The following FER1L5 variants were observed in gnomAD, a reference collection of about 807,000 sequenced individuals.
FER1L5 encodes fer-1-like protein 5.
A neutral mutation model predicts 279.9 loss-of-function variants in FER1L5; 187 were observed. The observed-to-expected ratio is 0.67, with a 90% CI of 0.59 to 0.75. The LOEUF (loss-of-function observed/expected upper bound fraction) is 0.75. Ranked by LOEUF, FER1L5 falls within the 30% of genes least tolerant of loss-of-function variation. FER1L5 has a pLI of 0.00. For synonymous variants in FER1L5, 921 were observed against 989.7 expected (o/e 0.93, Z 1.30); for missense variants, 2,091 against 2,594.4 (o/e 0.81, Z 4.21).
At position 96,644,562 on chromosome 2, in the gene FER1L5, T is replaced by C. The variant is rs180932975; in HGVS notation, c.85+1641T>C. Among the ~76,000 whole-genome samples, 199 of 152,008 alleles carry C rather than the reference T, an allele frequency of 1.3e-3. 1 individual carries two copies. Among genetic ancestry groups the C allele is most frequent in the Middle Eastern group, 3.4e-3 (1 of 294 alleles). On this transcript the variant is annotated intron_variant, in intron 1 of 52. Transcript: ENST00000624922. ...AAAGGTGAAAGTATGTAGGTGGAGA[T>C]ACAGGACGGTGGATACAGGCAAATA... is the stretch of plus-strand genomic sequence containing the variant.
chr2:96,698,856 A>G lies in FER1L5; in HGVS notation c.4518+24A>G. On this transcript the variant is annotated intron_variant, in intron 41 of 52. Coordinates refer to ENST00000624922, the MANE Select transcript of FER1L5 (RefSeq NM_001293083.2). This position sits in a 1 kb window ranked among gnomAD's most constrained non-coding sequence, Gnocchi z 5.5. ...TGGTAAAGAACAGTACCTGCCCCAC[A>G]CAGGTGCCCCGCACGCTCCCCTCAA... 1 of 1,554,628 alleles carries G rather than the reference A, an allele frequency of 6.4e-7. No individual in the cohort carries two copies. The highest frequency in any genetic ancestry group is 1.9e-5 in the Admixed American group (1 of 51,404).
intron 19 of FER1L5, among the ~76,000 whole-genome samples, chr2:96,676,497 A>G (rs2076514628): frequency 6.6e-6 from 1 of 152,008 alleles, no homozygotes; most frequent in African/African-American, 2.4e-5. Flanking sequence ...AATTTTGGCT[A>G]TTGTACAAGT....
At chr2:96,692,769 TG>T (rs936594027) in intron 31 of FER1L5, among the ~76,000 whole-genome samples, 3 of 151,128 alleles carry the variant, frequency 2.0e-5, no homozygotes, top group Non-Finnish European at 4.4e-5. Flanking sequence ...TTGTAGGGAG[TG>T]GGGACAGTAG....
intron 17 of FER1L5, 112 bp from the exon 18 acceptor site, chr2:96,670,007 C>T: frequency 1.4e-6 from 2 of 1,411,270 alleles, no homozygotes; most frequent in Non-Finnish European, 1.9e-6. Context: ...TGCAGTAAGC[C>T]CCGGGCAGGC....
intron 19 of FER1L5, among the ~76,000 whole-genome samples, chr2:96,673,920 T>A (rs2076419109): frequency 6.6e-6 from 1 of 152,204 alleles, no homozygotes; most frequent in South Asian, 2.1e-4. Flanking sequence ...AGCACTGCTG[T>A]CTCACTTTCA....
intron 1 of FER1L5, 101 bp downstream of exon 1, chr2:96,643,022 C>A (rs1348020591): frequency 3.1e-6 from 3 of 960,844 alleles, no homozygotes; most frequent in Admixed American, 6.2e-5. Context: ...ATAAAAGATG[C>A]CCTGTGTAAC....
In FER1L5 at chr2:96,698,082, C is replaced by G; in HGVS notation, c.4282C>G (p.Gln1428Glu). The G allele has an allele frequency of 6.3e-7, 1 of 1,589,552 alleles. No individual in the cohort carries two copies. Among genetic ancestry groups the G allele is most frequent in the East Asian group, 2.3e-5 (1 of 43,448 alleles). Reference protein sequence around the residue: ...LEAVPAFQGLQDFCQTFKLYQ... With the variant: ...LEAVPAFQGLEDFCQTFKLYQ... ...GGCCGTGCCAGCCTTCCAGGGCCTG[C>G]AGGACTTCTGCCAGACCTTCAAACT... The change falls in exon 40 of 53, where the codon CAG becomes GAG. Residue 1428 changes from glutamine to glutamate, a missense_variant. Gln to Glu is a conservative substitution (Grantham distance 29). Coordinates refer to ENST00000624922, the MANE Select transcript of FER1L5 (RefSeq NM_001293083.2). This position sits in a 1 kb window ranked among gnomAD's most constrained non-coding sequence, Gnocchi z 5.5.
chr2:96,673,756 G>A (rs1190275045), intron 19 of FER1L5, among the ~76,000 whole-genome samples: 1 of 152,130 alleles, frequency 6.6e-6, no homozygotes, highest in Non-Finnish European at 1.5e-5. Flanking sequence ...AGCAGCATCC[G>A]CATCACCTGG....
intron 9 of FER1L5, among the ~76,000 whole-genome samples, chr2:96,659,288 GCTTTCCTTCCTTCCTTCCTTCCTT>G (rs1254357802): frequency 3.0e-5 from 3 of 100,088 alleles, no homozygotes; most frequent in African/African-American, 1.3e-4. Context: ...AATTTATCAA[GCTTTCCTTCCTTCCTTCCTTCCTT>G]CCTTCCTTCC....
Position 96,660,801 on chromosome 2 carries a change from G to A in FER1L5, c.778+430G>A, listed in dbSNP as rs532827127. Among the ~76,000 whole-genome samples, 31 of 152,266 alleles carry A rather than the reference G, an allele frequency of 2.0e-4. No homozygotes were observed. In the East Asian group the frequency reaches 3.5e-3, roughly 17 times the overall value. ...ACTCTTGACCTCAGGTGATCCACCCGCTTCAGCTTCCCAAAGTGCTGGGAT... is the reference window on the plus strand; with the variant it reads ...ACTCTTGACCTCAGGTGATCCACCCACTTCAGCTTCCCAAAGTGCTGGGAT... On this transcript the variant is annotated intron_variant, in intron 10 of 52. Transcript: ENST00000624922.
chr2:96,676,914 C>T (rs1043574371), intron 19 of FER1L5, among the ~76,000 whole-genome samples: 3 of 152,064 alleles, frequency 2.0e-5, no homozygotes, highest in Non-Finnish European at 4.4e-5. Context: ...CGGAGTGCGG[C>T]GGTCTGCCTC....
At chr2:96,676,625 T>C (rs2106609844) in intron 19 of FER1L5, among the ~76,000 whole-genome samples, 1 of 151,574 alleles carries the variant, frequency 6.6e-6, no homozygotes, top group Non-Finnish European at 1.5e-5. Context: ...TCATCAGGTA[T>C]TTTTTGTTTT....
At chr2:96,684,032 G>C (rs753484291) in intron 19 of FER1L5, among the ~76,000 whole-genome samples, 2 of 152,170 alleles carry the variant, frequency 1.3e-5, no homozygotes, top group African/African-American at 4.8e-5. Context: ...CGTTATGACC[G>C]CCTGGCTATG....
intron 19 of FER1L5, among the ~76,000 whole-genome samples, chr2:96,684,040 A>G (rs1216499941): frequency 6.6e-6 from 1 of 152,174 alleles, no homozygotes; most frequent in Non-Finnish European, 1.5e-5. Flanking sequence ...CCGCCTGGCT[A>G]TGCCACCTCA....
At chr2:96,651,025 C>G (rs563607956) in intron 6 of FER1L5, among the ~76,000 whole-genome samples, 1 of 152,328 alleles carries the variant, frequency 6.6e-6, no homozygotes. Flanking sequence ...CCAAAGTGTC[C>G]TTTCAAAGAT....
At chr2:96,695,945 C>T (rs780441476) in intron 36 of FER1L5, 41 bp downstream of exon 36, 26 of 1,608,348 alleles carry the variant, frequency 1.6e-5, no homozygotes, top group South Asian at 3.3e-5. Flanking sequence ...GCCTCACAAG[C>T]GAGCCTGCAC....
At position 96,702,497 on chromosome 2, in the gene FER1L5, T is replaced by G; in HGVS notation, c.5255+96T>G. 1 of 1,550,322 alleles carries G rather than the reference T, an allele frequency of 6.5e-7. No homozygotes were observed. Among genetic ancestry groups the G allele is most frequent in the Non-Finnish European group, 8.7e-7 (1 of 1,146,554 alleles). On this transcript the variant is annotated intron_variant, in intron 47 of 52. Transcript: ENST00000624922. The surrounding 1 kb of genome is among the most constrained non-coding windows in gnomAD (Gnocchi z 4.0). ...CAGTCCTGAATGGGACACCTCTCCATCCAGCTCTGCCTGGCGTCGGCTGGG... is the reference window on the plus strand; with the variant it reads ...CAGTCCTGAATGGGACACCTCTCCAGCCAGCTCTGCCTGGCGTCGGCTGGG...
At position 96,697,662 on chromosome 2, in the gene FER1L5, T is replaced by C. The variant is rs767412885; in HGVS notation, c.4137T>C (p.Asp1379=). ...AGAATGATCCTCTTCTCTGCCAGGA[T>C]GAGTATGAGCATGAGGTGGACTGGT... is the stretch of plus-strand genomic sequence containing the variant. ...KFWFKSSKAE[D]EYEHEVDWWS... is the part of the protein sequence containing the mutation. Residue 1379 remains aspartate (D), a splice_region_variant and synonymous_variant, in exon 39 of 53, where the codon GAT becomes GAC. Transcript: ENST00000624922. The C allele has an allele frequency of 2.5e-6, 4 of 1,613,858 alleles. No individual in the cohort carries two copies. The South Asian group carries it at 4.4e-5, about 18-fold the overall frequency.
At chr2:96,696,004 C>A in intron 36 of FER1L5, 48 bp from the exon 37 acceptor site, 1 of 1,611,832 alleles carries the variant, frequency 6.2e-7, no homozygotes, top group Non-Finnish European at 8.5e-7. Flanking sequence ...GCTTCCTCCT[C>A]AGCCCTCTCC....
Sources: gnomAD v4.1 joint callset for allele counts (sites outside exome capture counted in the v4.1 genomes callset) on GRCh38, gnomAD v4.1.1 for gene constraint, Gnocchi (gnomAD v3.1) non-coding constraint, MANE v1.5 for transcripts, NCBI Gene and HGNC (gene_info 2026-07-23, HGNC 2026-07-21) for gene names.